The following ZMYM6 variants were observed in gnomAD, a reference collection of about 807,000 sequenced individuals.
ZMYM6 encodes the protein zinc finger MYM-type protein 6.
A neutral mutation model predicts 134.0 loss-of-function variants in ZMYM6; 90 were observed. That is an observed-to-expected ratio of 0.67 (90% CI 0.57 to 0.80). The LOEUF (loss-of-function observed/expected upper bound fraction) is 0.80, where lower values mean the gene tolerates loss of function less well. Among genes scored for constraint, ZMYM6 ranks in the 30% least tolerant of loss-of-function variants. The pLI, the probability that ZMYM6 is intolerant of heterozygous loss-of-function variation, is 0.00. For synonymous variants in ZMYM6, 481 were observed against 524.1 expected (o/e 0.92, Z 1.12); for missense variants, 1,362 against 1,533.9 (o/e 0.89, Z 1.87).
Position 34,986,843 on chromosome 1 carries a change from AT to A in ZMYM6, c.*260del, listed in dbSNP as rs749564414. 9.4e-5 allele frequency: 21 copies of A among 222,264 alleles called. No homozygotes were observed. The East Asian group carries it at 1.7e-3, about 18-fold the overall frequency. The allele number at this position is 222,264 out of a possible 1,614,324, so 13.8% of individuals were successfully genotyped here. A position where few individuals can be genotyped will look rare whatever the true frequency, so the allele number is the denominator to read the frequency against. ...AACATCCAGGTTGTGCTGTTACATT[AT>A]AAACTGGGCTTCTCATTACCTGCAG... is the stretch of plus-strand genomic sequence containing the variant. On this transcript the variant is annotated 3_prime_UTR_variant, in exon 16 of 16. Transcript: ENST00000357182.
chr1:35,018,461 C>T (rs1169014237), intron 4 of ZMYM6: 1 of 151,784 alleles, frequency 6.6e-6, no homozygotes, highest in Non-Finnish European at 1.5e-5. Flanking sequence ...GTTAAGTATA[C>T]ATAGTAATAT....
intron 4 of ZMYM6, among the ~76,000 whole-genome samples, chr1:35,015,760 ATG>A (rs1553131762): frequency 2.2e-5 from 3 of 139,374 alleles, no homozygotes; most frequent in African/African-American, 8.9e-5. Context: ...ATATATATAT[ATG>A]TGGCCAGCCA....
In ZMYM6 at chr1:34,988,376, G is replaced by A. The variant is rs1640608920; in HGVS notation, c.2706C>T (p.Val902=). Residue 902 remains valine (V), a synonymous_variant, in exon 16 of 16, where the codon GTC becomes GTT. Coordinates refer to ENST00000357182, the MANE Select transcript of ZMYM6 (RefSeq NM_007167.4). The part of the protein sequence containing the change: ...ADIEDQLIQK[V]RESKWFALQI... ...GAAGGGCAAACCACTTTGACTCTCT[G>A]ACCTTTTGAATCAGCTGGTCTTCAA... 3.2e-6 allele frequency: 5 copies of A among 1,551,598 alleles called. No individual in the cohort carries two copies. The highest frequency in any genetic ancestry group is 4.4e-6 in the Non-Finnish European group (5 of 1,146,960).
intron 2 of ZMYM6, 100 bp from the exon 3 acceptor site, chr1:35,020,567 CCT>C: frequency 3.6e-6 from 2 of 554,082 alleles, no homozygotes; most frequent in Non-Finnish European, 2.5e-6. Flanking sequence ...CTATTCATCT[CCT>C]TTTTTTTTTT....
intron 2 of ZMYM6, 85 bp from the exon 3 acceptor site, chr1:35,020,552 C>A: frequency 1.9e-5 from 14 of 721,884 alleles, no homozygotes; most frequent in South Asian, 3.5e-5. Context: ...AAAAATTATT[C>A]TATCCTATTC....
intron 2 of ZMYM6, among the ~76,000 whole-genome samples, chr1:35,023,528 T>C (rs1189196511): frequency 2.0e-5 from 3 of 152,142 alleles, no homozygotes; most frequent in African/African-American, 7.2e-5. Flanking sequence ...TATACTTAAA[T>C]AACAATATTT....
At chr1:34,991,615 C>T (rs966914415) in intron 15 of ZMYM6, among the ~76,000 whole-genome samples, 8 of 151,910 alleles carry the variant, frequency 5.3e-5, no homozygotes, top group African/African-American at 1.7e-4. Flanking sequence ...ACTAAAAATA[C>T]AAAAATTAGC....
At chr1:34,997,007 G>A (rs1640796873) in intron 14 of ZMYM6, among the ~76,000 whole-genome samples, 1 of 152,164 alleles carries the variant, frequency 6.6e-6, no homozygotes, top group African/African-American at 2.4e-5. Flanking sequence ...TTTCATAAAT[G>A]TACAAAATGT....
intron 4 of ZMYM6, chr1:35,017,566 A>G (rs561684665): frequency 1.3e-5 from 2 of 152,360 alleles, no homozygotes; most frequent in South Asian, 4.1e-4. Context: ...CATTTACCGT[A>G]GAAAAACCAC....
At chr1:35,013,690 T>G (rs10796889) in intron 6 of ZMYM6, 887,109 of 975,782 alleles carry the variant, frequency 0.91, 404,372 homozygotes, top group Non-Finnish European at 0.93. Context: ...TGTTTTTTTT[T>G]TTTGTTTGTT....
intron 14 of ZMYM6, among the ~76,000 whole-genome samples, chr1:34,998,743 G>A (rs975657856): frequency 4.6e-5 from 7 of 152,158 alleles, no homozygotes; most frequent in Non-Finnish European, 7.3e-5. Flanking sequence ...GCTGGATACA[G>A]GAATCTGGAG....
chr1:35,004,077 T>C (rs1156471321), intron 13 of ZMYM6, 72 bp from the exon 14 acceptor site: 5 of 1,351,584 alleles, frequency 3.7e-6, no homozygotes, highest in Non-Finnish European at 5.2e-6. Context: ...AAGAAGTTAC[T>C]TTCCTCCCAT....
At chr1:35,001,208 T>G (rs778120858) in intron 14 of ZMYM6, among the ~76,000 whole-genome samples, 1 of 152,060 alleles carries the variant, frequency 6.6e-6, no homozygotes, top group Non-Finnish European at 1.5e-5. Context: ...TTTAAGTAAC[T>G]TGAGGGAGAT....
At position 35,024,047 on chromosome 1, in the gene ZMYM6, C is replaced by T. The variant is rs1641361175; in HGVS notation, c.94-3580G>A. ...AATTTTTCTAAACCTTCATAGCTCACGAGTCCCAACTCCACATCTTTCCTG... is the reference window on the plus strand; with the variant it reads ...AATTTTTCTAAACCTTCATAGCTCATGAGTCCCAACTCCACATCTTTCCTG... On this transcript the variant is annotated intron_variant, in intron 2 of 15. Transcript: ENST00000357182. Among the ~76,000 whole-genome samples, 3 of 152,132 alleles carry T rather than the reference C, an allele frequency of 2.0e-5. No homozygotes were observed. In the South Asian group the frequency reaches 6.2e-4, roughly 31 times the overall value.
At chr1:34,991,384 C>G (rs1640670345) in intron 15 of ZMYM6, among the ~76,000 whole-genome samples, 1 of 152,002 alleles carries the variant, frequency 6.6e-6, no homozygotes, top group Non-Finnish European at 1.5e-5. Flanking sequence ...TGACTTCTAC[C>G]AAAATAAAGG....
intron 14 of ZMYM6, among the ~76,000 whole-genome samples, chr1:34,996,982 C>T (rs1640796367): frequency 6.6e-6 from 1 of 152,154 alleles, no homozygotes; most frequent in Non-Finnish European, 1.5e-5. Flanking sequence ...GATTAAAATC[C>T]TTGTACATGC....
At chr1:35,020,232 T>C in intron 3 of ZMYM6, 151 bp downstream of exon 3, 1 of 581,584 alleles carries the variant, frequency 1.7e-6, no homozygotes. Context: ...CTCTATTTTT[T>C]AAAACGCTGC....
Position 34,995,158 on chromosome 1 carries a change from CAT to C in ZMYM6, c.1993-2773_1993-2772del, listed in dbSNP as rs575785384. The stretch of plus-strand genomic sequence containing the variant: ...ATACACACACACACATACACACACA[CAT>C]ATGTATGTGTGTATATATATATATA... On this transcript the variant is annotated intron_variant, in intron 14 of 15. Transcript: ENST00000357182. Among the ~76,000 whole-genome samples the C allele has an allele frequency of 8.3e-5, 12 of 144,098 alleles. No individual in the cohort carries two copies. The South Asian group carries it at 2.4e-3, about 29-fold the overall frequency. The allele number at this position is 144,098 out of a possible 152,430, so 94.5% of individuals were successfully genotyped here. A position where few individuals can be genotyped will look rare whatever the true frequency, so the allele number is the denominator to read the frequency against.
Position 34,988,031 on chromosome 1 carries a change from T to C in ZMYM6, c.3051A>G (p.Leu1017=). ...FTHCFIHRER[L]VAEKLSPCLH... is the part of the protein sequence containing the mutation. ...AACATGGAGACAACTTTTCTGCCACTAAACGTTCACGGTGAATAAAACAAT... is the reference window on the plus strand; with the variant it reads ...AACATGGAGACAACTTTTCTGCCACCAAACGTTCACGGTGAATAAAACAAT... The change falls in exon 16 of 16, where the codon TTA becomes TTG. Residue 1017 remains leucine, a synonymous_variant. Coordinates refer to ENST00000357182, the MANE Select transcript of ZMYM6 (RefSeq NM_007167.4). The C allele has an allele frequency of 1.3e-6, 2 of 1,551,440 alleles. No individual in the cohort carries two copies. Among genetic ancestry groups the C allele is most frequent in the Non-Finnish European group, 1.7e-6 (2 of 1,146,892 alleles).
Sources: allele counts gnomAD v4.1 joint callset (sites outside exome capture counted in the v4.1 genomes callset), GRCh38; gene constraint gnomAD v4.1.1; transcripts MANE v1.5; gene names NCBI Gene and HGNC (gene_info 2026-07-23, HGNC 2026-07-21).